The following MIPOL1 variants were observed in gnomAD, a reference collection of about 807,000 sequenced individuals.
MIPOL1 encodes mirror-image polydactyly gene 1 protein.
Under a neutral mutation model 60.9 loss-of-function variants are expected in MIPOL1, and 57 were observed. That is an observed-to-expected ratio of 0.94 (90% confidence interval 0.76 to 1.17). The LOEUF (loss-of-function observed/expected upper bound fraction) is 1.17, where lower values mean the gene tolerates loss of function less well. Among genes scored for constraint, MIPOL1 ranks in the 50% most tolerant of loss-of-function variants. The probability of loss-of-function intolerance (pLI) is 0.00; values close to 1 mark genes in which losing one functional copy is unlikely to be tolerated. For synonymous variants in MIPOL1, 179 were observed against 168.8 expected (o/e 1.06, Z -0.47); for missense variants, 551 against 511.6 (o/e 1.08, Z -0.74).
At chr14:37,414,516 T>C (rs1396550911) in intron 10 of MIPOL1, among the ~76,000 whole-genome samples, 2 of 152,212 alleles carry the variant, frequency 1.3e-5, no homozygotes, top group African/African-American at 4.8e-5. Flanking sequence ...TTTTCTCTCA[T>C]TACTTCAAAT....
intron 12 of MIPOL1, among the ~76,000 whole-genome samples, chr14:37,515,947 TGAG>T (rs1383106967): frequency 6.6e-6 from 1 of 152,082 alleles, no homozygotes; most frequent in Non-Finnish European, 1.5e-5. Context: ...AAGGAAACCA[TGAG>T]GAGAAGAGAA....
intron 6 of MIPOL1, among the ~76,000 whole-genome samples, chr14:37,274,916 A>G (rs540560932): frequency 1.3e-4 from 20 of 151,418 alleles, no homozygotes; most frequent in South Asian, 1.0e-3. Flanking sequence ...GTAAATTACT[A>G]TCCCATACTA....
chr14:37,536,018 C>T (rs1373074079), intron 12 of MIPOL1, among the ~76,000 whole-genome samples: 1 of 152,140 alleles, frequency 6.6e-6, no homozygotes, highest in South Asian at 2.1e-4. Flanking sequence ...AATCCTCCAA[C>T]CTCGGCCTTC....
intron 12 of MIPOL1, among the ~76,000 whole-genome samples, chr14:37,508,043 C>G (rs1213850689): frequency 6.6e-6 from 1 of 152,054 alleles, no homozygotes. Context: ...CTTCATGAGG[C>G]TATTAGCCTA....
intron 9 of MIPOL1, among the ~76,000 whole-genome samples, chr14:37,346,835 T>TA (rs1289277409): frequency 1.3e-5 from 2 of 151,738 alleles, no homozygotes; most frequent in Non-Finnish European, 2.9e-5. Context: ...AGAAAAAAAA[T>TA]AGACAACTTA....
chr14:37,490,915 C>T (rs1409510410), intron 11 of MIPOL1, among the ~76,000 whole-genome samples: 2 of 152,076 alleles, frequency 1.3e-5, no homozygotes, highest in Admixed American at 6.5e-5. Flanking sequence ...CCAGCAAATC[C>T]TCCATTTGTT....
chr14:37,348,919 C>T (rs4900823), intron 9 of MIPOL1, among the ~76,000 whole-genome samples: 140,928 of 144,716 alleles, frequency 0.97, 68,671 homozygotes, highest in East Asian at 1. Flanking sequence ...ACCTCTGCCT[C>T]CTGTGTTCAA....
intron 3 of MIPOL1, among the ~76,000 whole-genome samples, chr14:37,250,012 A>G (rs1973831056): frequency 6.6e-6 from 1 of 152,182 alleles, no homozygotes; most frequent in Admixed American, 6.6e-5. Flanking sequence ...AGTAATCAGG[A>G]AGGATGTCAA....
intron 11 of MIPOL1, chr14:37,434,722 G>C (rs1324722244): frequency 6.6e-6 from 1 of 151,922 alleles, no homozygotes; most frequent in Non-Finnish European, 1.5e-5. Flanking sequence ...GTGGCCTTGA[G>C]TCTCAAGATG....
In MIPOL1 at chr14:37,288,913, T is replaced by C. The variant is rs572492505; in HGVS notation, c.623+3466T>C. 1.7e-3 allele frequency among the ~76,000 whole-genome samples: 253 copies of C among 152,320 alleles called. 1 individual carries two copies. The highest frequency in any genetic ancestry group is 5.7e-3 in the African/African-American group (238 of 41,580). ...ATTAAAAGGGCTTGCATTCCTCAGA[T>C]AAAAGTTCTTTTCTCATATGAAAGA... On this transcript the variant is annotated intron_variant, in intron 7 of 12. Coordinates refer to ENST00000684589, the MANE Select transcript of MIPOL1 (RefSeq NM_001388067.1).
chr14:37,429,217 T>C (rs1241637175), intron 11 of MIPOL1, among the ~76,000 whole-genome samples: 1 of 152,142 alleles, frequency 6.6e-6, no homozygotes, highest in African/African-American at 2.4e-5. Context: ...AACAAACTCT[T>C]TTCTAATTGA....
chr14:37,520,598 TTCTTGCC>T (rs1257832046), intron 12 of MIPOL1, among the ~76,000 whole-genome samples: 2 of 152,158 alleles, frequency 1.3e-5, no homozygotes, highest in Admixed American at 1.3e-4. Context: ...TTCTGAACCT[TTCTTGCC>T]TCTTGAATCT....
intron 1 of MIPOL1, among the ~76,000 whole-genome samples, chr14:37,217,657 T>A (rs187282274): frequency 2.0e-4 from 31 of 152,340 alleles, no homozygotes; most frequent in African/African-American, 7.0e-4. Flanking sequence ...ATCATTTCAA[T>A]TGACGCTGAA....
At chr14:37,264,487 G>A (rs1043194477) in intron 3 of MIPOL1, among the ~76,000 whole-genome samples, 1 of 151,860 alleles carries the variant, frequency 6.6e-6, no homozygotes, top group East Asian at 1.9e-4. Flanking sequence ...GTGAGGCATG[G>A]CAACACAGCA....
At chr14:37,450,384 A>T (rs994814919) in intron 11 of MIPOL1, among the ~76,000 whole-genome samples, 2 of 152,204 alleles carry the variant, frequency 1.3e-5, no homozygotes, top group South Asian at 4.1e-4. Flanking sequence ...AATTTTCTGA[A>T]TATAGAATTC....
intron 6 of MIPOL1, among the ~76,000 whole-genome samples, chr14:37,285,026 T>A (rs1425756884): frequency 6.6e-6 from 1 of 152,234 alleles, no homozygotes; most frequent in Non-Finnish European, 1.5e-5. Context: ...TAGAAATATA[T>A]CTGCCTATCT....
At chr14:37,234,005 A>G (rs539855435) in intron 1 of MIPOL1, among the ~76,000 whole-genome samples, 2 of 152,294 alleles carry the variant, frequency 1.3e-5, no homozygotes, top group South Asian at 4.1e-4. Context: ...GTATAAAACC[A>G]TGTTTATCTC....
intron 1 of MIPOL1, among the ~76,000 whole-genome samples, chr14:37,200,677 T>G (rs1965099436): frequency 6.6e-6 from 1 of 151,066 alleles, no homozygotes. Context: ...TTTTTTTTTT[T>G]TTTTTTTTTT....
intron 9 of MIPOL1, among the ~76,000 whole-genome samples, chr14:37,310,541 T>C (rs2087232589): frequency 6.6e-6 from 1 of 152,284 alleles, no homozygotes; most frequent in East Asian, 1.9e-4. Flanking sequence ...AAAGACAATC[T>C]CTCTATTTCC....
Sources: allele counts gnomAD v4.1 joint callset (sites outside exome capture counted in the v4.1 genomes callset), GRCh38; gene constraint gnomAD v4.1.1; transcripts MANE v1.5; gene names NCBI Gene and HGNC (gene_info 2026-07-23, HGNC 2026-07-21).